The following CPS1 variants were observed in gnomAD, a reference collection of about 807,000 sequenced individuals.
CPS1 encodes carbamoyl-phosphate synthase [ammonia], mitochondrial.
A neutral mutation model predicts 174.6 loss-of-function variants in CPS1; 109 were observed. That is an observed-to-expected ratio of 0.62 (90% CI 0.53 to 0.73). The LOEUF (loss-of-function observed/expected upper bound fraction) is 0.73, where lower values mean the gene tolerates loss of function less well. Ranked by LOEUF, CPS1 falls within the 30% of genes least tolerant of loss-of-function variation. The pLI, the probability that CPS1 is intolerant of heterozygous loss-of-function variation, is 0.00. For missense variants in CPS1, 1,689 were observed against 1,821.9 expected, an observed-to-expected ratio of 0.93 and a Z score of 1.33; for synonymous variants, 637 against 632.0, an observed-to-expected ratio of 1.01 and a Z score of -0.12.
intron 11 of CPS1, chr2:210,593,299 A>T (rs1454211557): frequency 1.2e-5 from 13 of 1,087,898 alleles, no homozygotes; most frequent in Non-Finnish European, 1.4e-5. Context: ...GACTGAAATG[A>T]AATTTTAATC....
At chr2:210,584,450 G>T (rs1470320804) in intron 6 of CPS1, among the ~76,000 whole-genome samples, 2 of 152,136 alleles carry the variant, frequency 1.3e-5, no homozygotes, top group African/African-American at 4.8e-5. Context: ...AAATGTACAT[G>T]TGGACGCAAA....
At chr2:210,569,698 T>C (rs1200550482) in intron 1 of CPS1, among the ~76,000 whole-genome samples, 1 of 152,054 alleles carries the variant, frequency 6.6e-6, no homozygotes, top group African/African-American at 2.4e-5. Flanking sequence ...AATGGTCTTA[T>C]TGGCATATAC....
chr2:210,529,666 C>T (rs575572485), intron 1 of CPS1, among the ~76,000 whole-genome samples: 1 of 152,038 alleles, frequency 6.6e-6, no homozygotes, highest in East Asian at 1.9e-4. Flanking sequence ...TTAATCAATA[C>T]TTCCACCAGA....
rs2105898789 is a variant in CPS1, at chr2:210,640,022, T to C, written c.2922T>C (p.His974=). ...GQEHDVNFDD[H]GMMVLGCGPY... ...AGCATGATGTCAATTTTGATGACCA[T>C]GGAATGATGGTGCTAGGCTGTGGTC... The change falls in exon 24 of 38, where the codon CAT becomes CAC. Residue 974 remains histidine, a synonymous_variant. Coordinates refer to ENST00000233072, the MANE Select transcript of CPS1 (RefSeq NM_001875.5). 6.2e-7 allele frequency: 1 copy of C among 1,611,622 alleles called. No homozygotes were observed. Among genetic ancestry groups the C allele is most frequent in the Non-Finnish European group, 8.5e-7 (1 of 1,178,242 alleles).
At chr2:210,537,288 C>A (rs1696281850) in intron 1 of CPS1, among the ~76,000 whole-genome samples, 1 of 152,174 alleles carries the variant, frequency 6.6e-6, no homozygotes, top group South Asian at 2.1e-4. Flanking sequence ...ACTGGTAAAA[C>A]TCTTTCTATG....
chr2:210,560,203 C>T (rs1159269396), intron 1 of CPS1, among the ~76,000 whole-genome samples: 1 of 151,836 alleles, frequency 6.6e-6, no homozygotes, highest in African/African-American at 2.4e-5. Context: ...AGAATAGACA[C>T]CATAATAACC....
At chr2:210,622,239 A>G (rs911978321) in intron 21 of CPS1, among the ~76,000 whole-genome samples, 6 of 151,732 alleles carry the variant, frequency 4.0e-5, no homozygotes, top group Admixed American at 6.6e-5. Flanking sequence ...ATACTTAAAT[A>G]TCAAATATAA....
intron 1 of CPS1, among the ~76,000 whole-genome samples, chr2:210,570,954 A>G (rs1019875014): frequency 6.6e-6 from 1 of 151,978 alleles, no homozygotes; most frequent in Non-Finnish European, 1.5e-5. Context: ...CTTACTTTCT[A>G]AAATCTTCAA....
chr2:210,654,580 A>T (rs553157805), intron 29 of CPS1, among the ~76,000 whole-genome samples: 3 of 152,326 alleles, frequency 2.0e-5, no homozygotes, highest in African/African-American at 7.2e-5. Flanking sequence ...AAATTGGCTT[A>T]CCATATCACA....
intron 1 of CPS1, among the ~76,000 whole-genome samples, chr2:210,530,176 G>A (rs1446405400): frequency 6.6e-6 from 1 of 152,016 alleles, no homozygotes; most frequent in Non-Finnish European, 1.5e-5. Flanking sequence ...TGGACAAAGT[G>A]ATAAAATCCA....
intron 1 of CPS1, among the ~76,000 whole-genome samples, chr2:210,558,705 G>T (rs1251531262): frequency 1.3e-5 from 2 of 151,984 alleles, no homozygotes; most frequent in African/African-American, 4.8e-5. Flanking sequence ...ATTGAAATTA[G>T]AATCCAATTC....
At chr2:210,597,027 C>T (rs531446170) in intron 13 of CPS1, among the ~76,000 whole-genome samples, 29 of 151,884 alleles carry the variant, frequency 1.9e-4, no homozygotes, top group African/African-American at 6.7e-4. Flanking sequence ...AATAAATGAA[C>T]ACTCATCATG....
At chr2:210,569,457 C>A (rs534240981) in intron 1 of CPS1, among the ~76,000 whole-genome samples, 2 of 152,040 alleles carry the variant, frequency 1.3e-5, no homozygotes, top group African/African-American at 4.8e-5. Context: ...AGGGCAAATT[C>A]TTTGGTTAAA....
chr2:210,651,406 T>A (rs1700554026), intron 28 of CPS1, among the ~76,000 whole-genome samples: 1 of 152,234 alleles, frequency 6.6e-6, no homozygotes, highest in African/African-American at 2.4e-5. Context: ...AGACTTTGAA[T>A]TCATGTTTGT....
chr2:210,629,693 A>G (rs936833492), intron 21 of CPS1, among the ~76,000 whole-genome samples: 5 of 152,002 alleles, frequency 3.3e-5, no homozygotes, highest in African/African-American at 1.2e-4. Context: ...ATCTTGGTAA[A>G]GACGAATGGT....
chr2:210,540,655 A>G (rs1696371777), intron 1 of CPS1, among the ~76,000 whole-genome samples: 1 of 152,158 alleles, frequency 6.6e-6, no homozygotes, highest in African/African-American at 2.4e-5. Context: ...GTGTATTCCC[A>G]TTTTGTATAT....
intron 20 of CPS1, among the ~76,000 whole-genome samples, chr2:210,615,416 G>A (rs558411251): frequency 1.4e-4 from 21 of 151,962 alleles, no homozygotes; most frequent in African/African-American, 4.8e-4. Context: ...TATAATCATG[G>A]TCTCTCTGAT....
chr2:210,513,701 A>G (rs1695595069), intron 1 of CPS1, among the ~76,000 whole-genome samples: 2 of 151,992 alleles, frequency 1.3e-5, no homozygotes, highest in African/African-American at 4.8e-5. Flanking sequence ...ATTAGGTCCC[A>G]CTTGTGAATT....
chr2:210,603,857 A>G (rs897951667), intron 16 of CPS1, among the ~76,000 whole-genome samples: 1 of 151,886 alleles, frequency 6.6e-6, no homozygotes, highest in Non-Finnish European at 1.5e-5. Context: ...AGCACCATTA[A>G]AAGCTGCATT....
Sources: allele counts gnomAD v4.1 joint callset (sites outside exome capture counted in the v4.1 genomes callset), GRCh38; gene constraint gnomAD v4.1.1; transcripts MANE v1.5; gene names NCBI Gene and HGNC (gene_info 2026-07-23, HGNC 2026-07-21).